PRKCE: variants seen among roughly 807,000 people sequenced by gnomAD.
PRKCE encodes the protein protein kinase C epsilon.
A neutral mutation model predicts 85.4 loss-of-function variants in PRKCE; 16 were observed. That is an observed-to-expected ratio of 0.19 (90% CI 0.13 to 0.28). The LOEUF is 0.28. PRKCE is among the 10% of genes least tolerant of loss of function. PRKCE has a pLI of 1.00. For synonymous variants in PRKCE, 388 were observed against 371.5 expected (o/e 1.04, Z -0.51); for missense variants, 573 against 975.2 (o/e 0.59, Z 5.49).
At chr2:46,169,308 T>C (rs1678657912) in intron 14 of PRKCE, among the ~76,000 whole-genome samples, 1 of 152,220 alleles carries the variant, frequency 6.6e-6, no homozygotes, top group Admixed American at 6.5e-5. Context: ...TCTGGAATTC[T>C]GGGATTTGAC....
intron 10 of PRKCE, among the ~76,000 whole-genome samples, chr2:46,055,959 G>A (rs181703214): frequency 6.6e-5 from 10 of 152,236 alleles, no homozygotes; most frequent in East Asian, 3.9e-4. Flanking sequence ...CATAGCGCCC[G>A]GCCAGTAAGT....
At chr2:45,733,915 C>A (rs1681809947) in intron 1 of PRKCE, among the ~76,000 whole-genome samples, 1 of 152,184 alleles carries the variant, frequency 6.6e-6, no homozygotes, top group South Asian at 2.1e-4. Flanking sequence ...ACATGGCATT[C>A]ATTGTGTAGC....
chr2:46,101,041 T>A (rs746385181), intron 11 of PRKCE, among the ~76,000 whole-genome samples: 1 of 152,168 alleles, frequency 6.6e-6, no homozygotes, highest in Non-Finnish European at 1.5e-5. Flanking sequence ...GGTTCACTGT[T>A]GGATTTTTAG....
chr2:45,859,809 T>C (rs1199143395), intron 2 of PRKCE, among the ~76,000 whole-genome samples: 1 of 152,168 alleles, frequency 6.6e-6, no homozygotes, highest in Non-Finnish European at 1.5e-5. Context: ...CTTCCAAATA[T>C]GTTTCTGCTT....
intron 1 of PRKCE, among the ~76,000 whole-genome samples, chr2:45,737,552 G>A (rs1304819753): frequency 2.0e-5 from 3 of 151,976 alleles, no homozygotes; most frequent in Non-Finnish European, 4.4e-5. Flanking sequence ...AGGACCTCTC[G>A]GCTCCTTTTC....
intron 2 of PRKCE, among the ~76,000 whole-genome samples, chr2:45,878,587 C>T (rs1282187495): frequency 6.6e-6 from 1 of 152,150 alleles, no homozygotes; most frequent in Admixed American, 6.5e-5. Flanking sequence ...TCACTACTAT[C>T]TTGTCTGTAT....
At position 45,689,630 on chromosome 2, in the gene PRKCE, C is replaced by T. The variant is rs913577410; in HGVS notation, c.348+37182C>T. On this transcript the variant is annotated intron_variant, in intron 1 of 14. Coordinates refer to ENST00000306156, the MANE Select transcript of PRKCE (RefSeq NM_005400.3). ...AAATGCTTAAAAGTTTGTTTTCCAG[C>T]CAGGTGTGGTGGCTCACTTCTGTAA... 1.8e-4 allele frequency among the ~76,000 whole-genome samples: 27 copies of T among 152,024 alleles called. No homozygotes were observed. The South Asian group carries it at 5.2e-3, about 29-fold the overall frequency.
At position 45,734,716 on chromosome 2, in the gene PRKCE, G is replaced by A. The variant is rs551782092; in HGVS notation, c.348+82268G>A. Among the ~76,000 whole-genome samples the A allele has an allele frequency of 1.2e-4, 18 of 152,320 alleles. No individual in the cohort carries two copies. In the East Asian group the frequency reaches 3.5e-3, roughly 29 times the overall value. On this transcript the variant is annotated intron_variant, in intron 1 of 14. Transcript: ENST00000306156. The stretch of plus-strand genomic sequence containing the variant: ...ATTTTTTGATGCGCAGATCCCCCCT[G>A]CAGGCCTGAAGTACTCACTCCCCAA...
intron 10 of PRKCE, among the ~76,000 whole-genome samples, chr2:46,069,860 C>T (rs761422883): frequency 1.2e-4 from 18 of 152,186 alleles, no homozygotes; most frequent in Admixed American, 2.0e-4. Flanking sequence ...GCAATTCTAG[C>T]GGTCACCTAT....
intron 1 of PRKCE, among the ~76,000 whole-genome samples, chr2:45,664,785 T>A (rs1675834870): frequency 6.6e-6 from 1 of 152,240 alleles, no homozygotes; most frequent in Admixed American, 6.5e-5. Flanking sequence ...CTGCATTAGC[T>A]TGTGGGCCTA....
At chr2:45,982,807 G>A (rs1001314249) in intron 5 of PRKCE, among the ~76,000 whole-genome samples, 3 of 152,154 alleles carry the variant, frequency 2.0e-5, no homozygotes, top group African/African-American at 4.8e-5. Context: ...TGAGGGTCAC[G>A]TAGCTCTTTC....
intron 10 of PRKCE, among the ~76,000 whole-genome samples, chr2:46,020,337 A>T (rs373872516): frequency 6.6e-6 from 1 of 152,122 alleles, no homozygotes; most frequent in Admixed American, 6.5e-5. Flanking sequence ...GGAAGATAAC[A>T]TTTGAAGAAA....
At chr2:45,781,185 A>AT (rs1015280870) in intron 1 of PRKCE, among the ~76,000 whole-genome samples, 5 of 146,908 alleles carry the variant, frequency 3.4e-5, no homozygotes, top group Admixed American at 6.9e-5. Flanking sequence ...AATAATAATA[A>AT]AAAAAAAAGC....
chr2:45,708,361 C>A (rs1679302025), intron 1 of PRKCE, among the ~76,000 whole-genome samples: 2 of 152,240 alleles, frequency 1.3e-5, no homozygotes, highest in South Asian at 2.1e-4. Flanking sequence ...TGTCCCCACC[C>A]AAATCTCATC....
intron 1 of PRKCE, among the ~76,000 whole-genome samples, chr2:45,670,878 CCT>C (rs1447957011): frequency 6.6e-6 from 1 of 152,190 alleles, no homozygotes; most frequent in African/African-American, 2.4e-5. Flanking sequence ...GCTGCAGTGC[CCT>C]GATGAACAGA....
At chr2:46,140,898 T>C (rs1348977757) in intron 11 of PRKCE, among the ~76,000 whole-genome samples, 1 of 152,194 alleles carries the variant, frequency 6.6e-6, no homozygotes, top group Non-Finnish European at 1.5e-5. Flanking sequence ...CAGATCTCTT[T>C]TGAATACATG....
At chr2:45,808,051 ACTGTTG>A (rs1406298091) in intron 1 of PRKCE, among the ~76,000 whole-genome samples, 7 of 151,958 alleles carry the variant, frequency 4.6e-5, no homozygotes, top group Non-Finnish European at 1.0e-4. Flanking sequence ...GCGCTCCCAG[ACTGTTG>A]CTGATCATGG....
intron 1 of PRKCE, among the ~76,000 whole-genome samples, chr2:45,778,812 C>T (rs1469248812): frequency 6.6e-6 from 1 of 152,164 alleles, no homozygotes; most frequent in East Asian, 1.9e-4. Flanking sequence ...GTGTGACCTT[C>T]GGAGCTCCTC....
At chr2:45,682,643 A>G (rs1351325627) in intron 1 of PRKCE, among the ~76,000 whole-genome samples, 3 of 151,718 alleles carry the variant, frequency 2.0e-5, no homozygotes, top group Non-Finnish European at 4.4e-5. Flanking sequence ...CTGGAGTGCA[A>G]TGGCGCGATC....
Sources: gnomAD v4.1 joint callset for allele counts (sites outside exome capture counted in the v4.1 genomes callset) on GRCh38, gnomAD v4.1.1 for gene constraint, MANE v1.5 for transcripts, NCBI Gene and HGNC (gene_info 2026-07-23, HGNC 2026-07-21) for gene names.